The following MTA3 variants were observed in gnomAD, a reference collection of about 807,000 sequenced individuals.
The protein encoded by MTA3 is metastasis associated 1 family member 3.
MTA3 carries 34 observed loss-of-function variants against 83.5 expected under a neutral mutation model. The ratio of observed to expected loss-of-function variants is 0.41; its 90% CI spans 0.31 to 0.54. The LOEUF (loss-of-function observed/expected upper bound fraction) is 0.54. MTA3 is among the 20% of genes least tolerant of loss of function. MTA3 has a pLI of 0.33. For missense variants in MTA3, 761 were observed against 726.4 expected (o/e 1.05, Z -0.55); for synonymous variants, 303 against 252.7 (o/e 1.20, Z -1.89).
At chr2:42,687,214 A>G (rs1382612694) in intron 9 of MTA3, among the ~76,000 whole-genome samples, 3 of 152,176 alleles carry the variant, frequency 2.0e-5, no homozygotes, top group African/African-American at 4.8e-5. Flanking sequence ...ATAGTCAACA[A>G]TACCCTAGCC....
chr2:42,543,860 T>A (rs1375403993), intron 2 of MTA3, among the ~76,000 whole-genome samples: 1 of 151,950 alleles, frequency 6.6e-6, no homozygotes, highest in Non-Finnish European at 1.5e-5. Flanking sequence ...ATTTTGTTCA[T>A]TTGTTTTTAA....
chr2:42,620,380 A>C (rs191274334), intron 4 of MTA3, among the ~76,000 whole-genome samples: 3 of 152,272 alleles, frequency 2.0e-5, no homozygotes, highest in East Asian at 3.9e-4. Context: ...TTGGCCTCCC[A>C]AAGTGCTGGA....
At chr2:42,741,656 C>T (rs1669037026) in intron 16 of MTA3, among the ~76,000 whole-genome samples, 1 of 152,072 alleles carries the variant, frequency 6.6e-6, no homozygotes, top group South Asian at 2.1e-4. Context: ...AGTCAGAGGA[C>T]ACATAGCATT....
At chr2:42,631,937 A>C (rs1230841229) in intron 4 of MTA3, among the ~76,000 whole-genome samples, 2 of 151,962 alleles carry the variant, frequency 1.3e-5, no homozygotes, top group Non-Finnish European at 2.9e-5. Context: ...TGACCCACCC[A>C]CCTTGGCCTC....
intron 9 of MTA3, among the ~76,000 whole-genome samples, chr2:42,690,629 G>C (rs1692789593): frequency 6.8e-6 from 1 of 147,754 alleles, no homozygotes; most frequent in South Asian, 2.1e-4. Flanking sequence ...AGATTTTTCA[G>C]GTTCATAGTA....
In MTA3 at chr2:42,680,443, AT is replaced by A. The variant is rs552985270; in HGVS notation, c.703-1953del. On this transcript the variant is annotated intron_variant, in intron 8 of 16. Coordinates refer to ENST00000405094, the MANE Select transcript of MTA3 (RefSeq NM_001330442.2). The stretch of plus-strand genomic sequence containing the variant: ...AAGTGAAGCTATCCCCATTTGTGAA[AT>A]TTTTAATAAGTAGCAGGAGATACTT... 2.8e-3 allele frequency among the ~76,000 whole-genome samples: 421 copies of A among 152,318 alleles called. 2 individuals are homozygous for A. The highest frequency in any genetic ancestry group is 9.8e-3 in the African/African-American group (407 of 41,566).
intron 16 of MTA3, among the ~76,000 whole-genome samples, chr2:42,742,828 A>T (rs1018998703): frequency 3.3e-5 from 5 of 152,194 alleles, no homozygotes; most frequent in Admixed American, 2.6e-4. Context: ...CTTCCTTATA[A>T]CTATATTTAT....
intron 2 of MTA3, among the ~76,000 whole-genome samples, chr2:42,501,821 T>A (rs1674410010): frequency 6.6e-6 from 1 of 151,870 alleles, no homozygotes; most frequent in Admixed American, 6.6e-5. Context: ...CTCCTAAAAG[T>A]ACAAAAATTA....
intron 7 of MTA3, among the ~76,000 whole-genome samples, chr2:42,657,808 G>A (rs897359373): frequency 1.4e-5 from 2 of 147,326 alleles, no homozygotes; most frequent in Non-Finnish European, 1.5e-5. Context: ...GGCTCACGCC[G>A]CCTGTAATCC....
In MTA3 at chr2:42,754,690, G is replaced by T; in HGVS notation, c.*1291G>T. 1 of 985,506 alleles carries T rather than the reference G, an allele frequency of 1.0e-6. No individual in the cohort carries two copies. Among genetic ancestry groups the T allele is most frequent in the Non-Finnish European group, 1.2e-6 (1 of 829,970 alleles). 61.0% of individuals were successfully genotyped at this position (985,506 alleles called of 1,614,324 possible). On this transcript the variant is annotated 3_prime_UTR_variant, in exon 17 of 17. Coordinates refer to ENST00000405094, the MANE Select transcript of MTA3 (RefSeq NM_001330442.2). ...GAGTCTGATCTCCCAGCCATCTCTG[G>T]GGTTACTAGGAGGCAGCTGGATGGC... is the stretch of plus-strand genomic sequence containing the variant.
chr2:42,633,227 C>A (rs1002000347), intron 4 of MTA3, among the ~76,000 whole-genome samples: 1 of 151,264 alleles, frequency 6.6e-6, no homozygotes, highest in East Asian at 1.9e-4. Context: ...TGCAGTGAGC[C>A]GAGATCGCAC....
At chr2:42,679,376 A>T (rs993303281) in intron 8 of MTA3, among the ~76,000 whole-genome samples, 2 of 152,168 alleles carry the variant, frequency 1.3e-5, no homozygotes, top group African/African-American at 2.4e-5. Flanking sequence ...ATAAGTTACA[A>T]TTGGGGTAAC....
intron 2 of MTA3, among the ~76,000 whole-genome samples, chr2:42,548,594 C>T (rs1220560044): frequency 1.3e-5 from 2 of 150,044 alleles, no homozygotes; most frequent in Admixed American, 1.4e-4. Context: ...GAGTTCAAGA[C>T]CAGCCTGGGC....
chr2:42,658,443 G>A (rs1689373202), intron 7 of MTA3, among the ~76,000 whole-genome samples: 1 of 152,208 alleles, frequency 6.6e-6, no homozygotes, highest in Non-Finnish European at 1.5e-5. Flanking sequence ...TGGAGGTGGG[G>A]ATGAGACGTC....
At chr2:42,704,880 A>G (rs1266698152) in intron 12 of MTA3, among the ~76,000 whole-genome samples, 4 of 152,206 alleles carry the variant, frequency 2.6e-5, no homozygotes, top group African/African-American at 7.2e-5. Context: ...GGGTCGGTGA[A>G]GTGAACCGTT....
intron 2 of MTA3, chr2:42,511,524 TG>T (rs1674894342): frequency 6.6e-6 from 1 of 152,110 alleles, no homozygotes; most frequent in Non-Finnish European, 1.5e-5. Flanking sequence ...CAAGACCAGC[TG>T]GACCAACATG....
At chr2:42,523,159 A>G (rs1001934966) in intron 2 of MTA3, among the ~76,000 whole-genome samples, 14 of 152,082 alleles carry the variant, frequency 9.2e-5, no homozygotes, top group African/African-American at 3.4e-4. Flanking sequence ...TTTTAGTTCA[A>G]TGTATATTCC....
chr2:42,705,838 G>A (rs954734017), intron 12 of MTA3, among the ~76,000 whole-genome samples: 5 of 152,024 alleles, frequency 3.3e-5, no homozygotes, highest in African/African-American at 1.2e-4. Flanking sequence ...ATTTACTTTA[G>A]ACTCATGTAT....
At chr2:42,653,115 G>T (rs1443485310) in intron 6 of MTA3, among the ~76,000 whole-genome samples, 1 of 152,196 alleles carries the variant, frequency 6.6e-6, no homozygotes. Context: ...TAAAATAGTT[G>T]CTGGGTCTAC....
Sources: gnomAD v4.1 joint callset for allele counts (sites outside exome capture counted in the v4.1 genomes callset) on GRCh38, gnomAD v4.1.1 for gene constraint, MANE v1.5 for transcripts, NCBI Gene and HGNC (gene_info 2026-07-23, HGNC 2026-07-21) for gene names.